DLGAP1: variants seen among roughly 807,000 people sequenced by gnomAD.
DLGAP1 encodes disks large-associated protein 1.
Under a neutral mutation model 90.8 loss-of-function variants are expected in DLGAP1, and 11 were observed. That is an observed-to-expected ratio of 0.12 (90% CI 0.08 to 0.20). The LOEUF (loss-of-function observed/expected upper bound fraction) is 0.20. Among genes scored for constraint, DLGAP1 ranks in the 10% least tolerant of loss-of-function variants. The probability of loss-of-function intolerance (pLI) is 1.00; values close to 1 mark genes in which losing one functional copy is unlikely to be tolerated. For missense variants in DLGAP1, 1,050 were observed against 1,333.8 expected (o/e 0.79, Z 3.31); for synonymous variants, 558 against 540.7 (o/e 1.03, Z -0.44).
At chr18:3,590,740 AG>A (rs1248572453) in intron 7 of DLGAP1, among the ~76,000 whole-genome samples, 10 of 152,256 alleles carry the variant, frequency 6.6e-5, no homozygotes, top group Admixed American at 4.6e-4. Context: ...CTGTAATCCC[AG>A]CTACTCAGGA....
At chr18:3,658,346 C>T (rs116692057) in intron 7 of DLGAP1, among the ~76,000 whole-genome samples, 4 of 152,170 alleles carry the variant, frequency 2.6e-5, no homozygotes, top group East Asian at 1.9e-4. Flanking sequence ...GAAACTGTAA[C>T]GTCTGGCTCT....
chr18:3,509,999 T>C (rs1039621641), intron 10 of DLGAP1, among the ~76,000 whole-genome samples: 1 of 152,214 alleles, frequency 6.6e-6, no homozygotes, highest in Non-Finnish European at 1.5e-5. Context: ...GGGTCTCCCT[T>C]GACAGCTGTC....
At chr18:4,411,957 C>G (rs1375106084) in intron 1 of DLGAP1, among the ~76,000 whole-genome samples, 1 of 151,996 alleles carries the variant, frequency 6.6e-6, no homozygotes, top group East Asian at 1.9e-4. Flanking sequence ...TCAAGGGGAG[C>G]AAAAAATAAG....
intron 1 of DLGAP1, among the ~76,000 whole-genome samples, chr18:4,283,592 C>A (rs3911794): frequency 0.41 from 62,080 of 151,992 alleles, 16,838 homozygotes; most frequent in African/African-American, 0.78. Context: ...ACCTTGTGTA[C>A]AACTTATAAA....
chr18:4,280,819 A>G (rs995123144), intron 1 of DLGAP1: 2 of 152,204 alleles, frequency 1.3e-5, no homozygotes, highest in Non-Finnish European at 2.9e-5. Flanking sequence ...TTGGGCATAG[A>G]TAATTGCTGT....
intron 3 of DLGAP1, among the ~76,000 whole-genome samples, chr18:3,900,464 C>G (rs1374077405): frequency 2.6e-5 from 4 of 152,216 alleles, no homozygotes; most frequent in Non-Finnish European, 5.9e-5. Flanking sequence ...GCACATTATT[C>G]TGTCTTCCCT....
At chr18:4,141,450 A>G (rs2076493248) in intron 2 of DLGAP1, among the ~76,000 whole-genome samples, 1 of 152,022 alleles carries the variant, frequency 6.6e-6, no homozygotes, top group Non-Finnish European at 1.5e-5. Context: ...TTTACATGAC[A>G]TCATTCCATG....
chr18:3,903,306 T>A (rs1404362384), intron 3 of DLGAP1, among the ~76,000 whole-genome samples: 1 of 152,174 alleles, frequency 6.6e-6, no homozygotes. Context: ...ACGTGGTAAT[T>A]GACTCAATTA....
chr18:3,974,992 A>T (rs1036201209), intron 3 of DLGAP1, among the ~76,000 whole-genome samples: 1 of 152,184 alleles, frequency 6.6e-6, no homozygotes, highest in Non-Finnish European at 1.5e-5. Flanking sequence ...ATTCGTAGAC[A>T]CAGAAAGTGG....
chr18:4,045,986 A>G (rs1568367643), intron 2 of DLGAP1, among the ~76,000 whole-genome samples: 1 of 152,080 alleles, frequency 6.6e-6, no homozygotes, highest in Non-Finnish European at 1.5e-5. Flanking sequence ...TACTTTAAAA[A>G]ATTACTAAGA....
chr18:3,811,449 C>T (rs1393714948), intron 5 of DLGAP1, among the ~76,000 whole-genome samples: 4 of 152,174 alleles, frequency 2.6e-5, no homozygotes, highest in African/African-American at 9.7e-5. Context: ...GTTCTCTTTC[C>T]TGCCAAAGAA....
At chr18:3,752,635 C>A (rs1213719898) in intron 5 of DLGAP1, among the ~76,000 whole-genome samples, 2 of 146,268 alleles carry the variant, frequency 1.4e-5, no homozygotes, top group East Asian at 4.0e-4. Context: ...CCTCCCCACC[C>A]CCCTCTCTCT....
At chr18:3,536,744 A>G (rs909824200) in intron 9 of DLGAP1, among the ~76,000 whole-genome samples, 2 of 152,186 alleles carry the variant, frequency 1.3e-5, no homozygotes, top group African/African-American at 4.8e-5. Flanking sequence ...ATTAAGGCTG[A>G]GCATTTTACA....
At chr18:3,991,258 T>C (rs1421775973) in intron 3 of DLGAP1, among the ~76,000 whole-genome samples, 1 of 152,228 alleles carries the variant, frequency 6.6e-6, no homozygotes, top group East Asian at 1.9e-4. Flanking sequence ...TTTACTGATG[T>C]CTTGCTCAGA....
intron 7 of DLGAP1, among the ~76,000 whole-genome samples, chr18:3,676,483 T>G (rs909503601): frequency 1.3e-5 from 2 of 152,156 alleles, no homozygotes; most frequent in Non-Finnish European, 2.9e-5. Context: ...GTCCATGTCC[T>G]AAATTTTCCT....
At chr18:3,562,437 G>A (rs1228012389) in intron 9 of DLGAP1, among the ~76,000 whole-genome samples, 1 of 152,010 alleles carries the variant, frequency 6.6e-6, no homozygotes, top group Non-Finnish European at 1.5e-5. Flanking sequence ...TTGAATCATG[G>A]GGGTGGGTCT....
At chr18:4,052,319 T>C (rs544663743) in intron 2 of DLGAP1, among the ~76,000 whole-genome samples, 30 of 152,318 alleles carry the variant, frequency 2.0e-4, no homozygotes, top group African/African-American at 6.7e-4. Context: ...TTTCCATATG[T>C]CCTTTGAAAT....
At chr18:3,999,253 A>C (rs1375396897) in intron 3 of DLGAP1, among the ~76,000 whole-genome samples, 1 of 152,108 alleles carries the variant, frequency 6.6e-6, no homozygotes, top group African/African-American at 2.4e-5. Flanking sequence ...GTAGCATACT[A>C]TACAGACTTT....
At chr18:4,004,018 G>A (rs2074250789) in intron 3 of DLGAP1, among the ~76,000 whole-genome samples, 1 of 152,166 alleles carries the variant, frequency 6.6e-6, no homozygotes, top group Non-Finnish European at 1.5e-5. Flanking sequence ...ACCCACAGAA[G>A]CTACAGTGTC....
Sources: gnomAD v4.1 joint callset for allele counts (sites outside exome capture counted in the v4.1 genomes callset) on GRCh38, gnomAD v4.1.1 for gene constraint, MANE v1.5 for transcripts, NCBI Gene and HGNC (gene_info 2026-07-23, HGNC 2026-07-21) for gene names.